Variants in ABCC4 observed in about 807,000 individuals in gnomAD.
The protein encoded by ABCC4 is ATP binding cassette subfamily C member 4 (PEL blood group).
In ABCC4, 102 loss-of-function variants were observed where a neutral mutation model predicts 168.5. That is an observed-to-expected ratio of 0.61 (90% CI 0.52 to 0.71). ABCC4 has a LOEUF of 0.71. Among genes scored for constraint, ABCC4 ranks in the 30% least tolerant of loss-of-function variants. ABCC4 has a pLI of 0.00. For missense variants in ABCC4, 1,402 were observed against 1,605.8 expected (o/e 0.87, Z 2.17); for synonymous variants, 617 against 590.7 (o/e 1.04, Z -0.65).
rs59935866 is a variant in ABCC4 at position 95,164,054 on chromosome 13, A to AAAAAAAAG, written c.2175+323_2175+324insCTTTTTTT. Among the ~76,000 whole-genome samples the AAAAAAAAG allele has an allele frequency of 9.1e-4, 127 of 139,016 alleles. 1 individual carries two copies. Among genetic ancestry groups the AAAAAAAAG allele is most frequent in the African/African-American group, 1.9e-3 (69 of 36,268 alleles). The allele number at this position is 139,016 out of a possible 152,430, so 91.2% of individuals were successfully genotyped here. A position where few individuals can be genotyped will look rare whatever the true frequency, so the allele number is the denominator to read the frequency against. ...AAACTCCATCTCAAAAAAAAAAAAAAAAAGAAAGAAAGAAAGAAAGAAAGA... is the reference window on the plus strand; with the variant it reads ...AAACTCCATCTCAAAAAAAAAAAAAAAAAAAAAGAAAGAAAGAAAGAAAGAAAGAAAGA... On this transcript the variant is annotated intron_variant, in intron 16 of 30. Coordinates refer to ENST00000645237, the MANE Select transcript of ABCC4 (RefSeq NM_005845.5).
chr13:95,285,021 G>A (rs2041225568), intron 1 of ABCC4, among the ~76,000 whole-genome samples: 1 of 152,140 alleles, frequency 6.6e-6, no homozygotes, highest in Non-Finnish European at 1.5e-5. Flanking sequence ...CGAGGAAGGA[G>A]AATCATTTGA....
intron 25 of ABCC4, among the ~76,000 whole-genome samples, chr13:95,066,267 A>G (rs1476352083): frequency 6.6e-6 from 1 of 152,194 alleles, no homozygotes; most frequent in Non-Finnish European, 1.5e-5. Flanking sequence ...TTGCCTTAAA[A>G]TCCTCCACTT....
rs1331096484 is a variant in ABCC4, at chr13:95,062,756, G to A, written c.3314C>T (p.Thr1105Ile). The change falls in exon 26 of 31, where the codon ACA becomes ATA. Residue 1105 changes from threonine (T) to isoleucine (I), a missense_variant. By Grantham distance (89) the Thr-to-Ile change is moderately conservative (BLOSUM62 -1). This residue lies in a region of ABCC4 where 1,007 missense variants were observed against 1,127.3 expected (regional missense o/e 0.89). Coordinates refer to ENST00000645237, the MANE Select transcript of ABCC4 (RefSeq NM_005845.5). ...TAAATCGTGAAGTCCAATTTCAGTT[G>A]TCAAGATCTTATCAATCCAAATTTT... ...EGKIWIDKIL[T>I]TEIGLHDLRK... The A allele has an allele frequency of 3.7e-6, 6 of 1,613,788 alleles. No individual in the cohort carries two copies. Among genetic ancestry groups the A allele is most frequent in the Non-Finnish European group, 5.1e-6 (6 of 1,179,948 alleles).
intron 5 of ABCC4, among the ~76,000 whole-genome samples, chr13:95,210,166 G>A (rs186233912): frequency 1.2e-4 from 18 of 152,350 alleles, no homozygotes; most frequent in Non-Finnish European, 2.5e-4. Context: ...AAATGATACC[G>A]CTACAAGGTA....
At position 95,053,313 on chromosome 13, in the gene ABCC4, G is replaced by A. The variant is rs889826660; in HGVS notation, c.3367-129C>T. 41 of 750,662 alleles carry A rather than the reference G, an allele frequency of 5.5e-5. 1 individual carries two copies. The highest frequency in any genetic ancestry group is 5.4e-5 in the Non-Finnish European group (24 of 446,040). 46.5% of individuals were successfully genotyped at this position (750,662 alleles called of 1,614,324 possible). The stretch of plus-strand genomic sequence containing the variant: ...TGATAATAATTATAGCGTTACAAAT[G>A]CCTGTTTACAAAACAACATATCTAT... On this transcript the variant is annotated intron_variant, in intron 26 of 30. Transcript: ENST00000645237.
chr13:95,251,124 A>G (rs1255563739), intron 1 of ABCC4, among the ~76,000 whole-genome samples: 9 of 152,138 alleles, frequency 5.9e-5, no homozygotes, highest in Admixed American at 5.9e-4. Context: ...GAGGGAAAAC[A>G]CAGGTCCCAG....
chr13:95,191,597 C>T (rs1193836899), intron 9 of ABCC4, among the ~76,000 whole-genome samples: 1 of 152,206 alleles, frequency 6.6e-6, no homozygotes, highest in Non-Finnish European at 1.5e-5. Context: ...TGCTTGACTT[C>T]GCCTTACTAT....
chr13:95,161,096 C>A, intron 19 of ABCC4, 93 bp downstream of exon 19: 2 of 968,332 alleles, frequency 2.1e-6, no homozygotes, highest in Non-Finnish European at 2.8e-6. Flanking sequence ...TTCTTCCCAG[C>A]ATCCCTTCCA....
chr13:95,064,919 T>C (rs2033472487), intron 25 of ABCC4, among the ~76,000 whole-genome samples: 1 of 152,232 alleles, frequency 6.6e-6, no homozygotes, highest in South Asian at 2.1e-4. Context: ...AAGTTTACAT[T>C]CATAACACGA....
intron 19 of ABCC4, among the ~76,000 whole-genome samples, chr13:95,136,527 G>C (rs1408128994): frequency 6.6e-6 from 1 of 152,192 alleles, no homozygotes; most frequent in Non-Finnish European, 1.5e-5. Context: ...GCCTTTCTGA[G>C]GGTATTCCCA....
chr13:95,131,012 T>C (rs1346016789), intron 19 of ABCC4, among the ~76,000 whole-genome samples: 2 of 152,108 alleles, frequency 1.3e-5, no homozygotes, highest in African/African-American at 2.4e-5. Context: ...CTCTTGCAAA[T>C]CTGTGCAGTG....
intron 1 of ABCC4, among the ~76,000 whole-genome samples, chr13:95,273,816 G>GTTTTTTTTTTTTTT (rs753327163): frequency 1.0e-5 from 1 of 98,654 alleles, no homozygotes; most frequent in African/African-American, 4.0e-5. Flanking sequence ...TTTTTGGTTT[G>GTTTTTTTTTTTTTT]TTTTTTTTTT....
At chr13:95,281,445 C>T (rs1566596604) in intron 1 of ABCC4, among the ~76,000 whole-genome samples, 1 of 151,714 alleles carries the variant, frequency 6.6e-6, no homozygotes, top group Non-Finnish European at 1.5e-5. Flanking sequence ...CGAACACCAA[C>T]AATAATGAGT....
chr13:95,056,782 G>C (rs2033075053), intron 26 of ABCC4, among the ~76,000 whole-genome samples: 1 of 152,208 alleles, frequency 6.6e-6, no homozygotes, highest in African/African-American at 2.4e-5. Context: ...AGTCTGAGCA[G>C]TGGGCTGCTT....
chr13:95,162,442 G>A (rs1318353612), intron 18 of ABCC4, among the ~76,000 whole-genome samples: 1 of 152,170 alleles, frequency 6.6e-6, no homozygotes, highest in Non-Finnish European at 1.5e-5. Flanking sequence ...TACATTCTAA[G>A]CACTCTTGTG....
chr13:95,132,914 G>A (rs1182893659), intron 19 of ABCC4, among the ~76,000 whole-genome samples: 1 of 152,056 alleles, frequency 6.6e-6, no homozygotes, highest in Non-Finnish European at 1.5e-5. Context: ...GGGGTGGAGA[G>A]AAGGGGTGGT....
intron 1 of ABCC4, among the ~76,000 whole-genome samples, chr13:95,297,566 C>T (rs986289251): frequency 2.0e-5 from 3 of 152,198 alleles, no homozygotes; most frequent in Non-Finnish European, 2.9e-5. Flanking sequence ...TGGGCCCTGT[C>T]TCCAGGCAGC....
chr13:95,208,424 G>A (rs1247249342), intron 6 of ABCC4, among the ~76,000 whole-genome samples: 1 of 151,628 alleles, frequency 6.6e-6, no homozygotes, highest in Non-Finnish European at 1.5e-5. Context: ...GCAAAGAGGG[G>A]AAGGTCCAAG....
intron 26 of ABCC4, among the ~76,000 whole-genome samples, chr13:95,056,909 T>G (rs1178981957): frequency 6.6e-6 from 1 of 152,208 alleles, no homozygotes. Context: ...ACCGTTAGGG[T>G]GCTATCATAA....
Sources: allele counts gnomAD v4.1 joint callset (sites outside exome capture counted in the v4.1 genomes callset), GRCh38; gene constraint gnomAD v4.1.1; regional missense constraint gnomAD v4.1.1; transcripts MANE v1.5; gene names NCBI Gene and HGNC (gene_info 2026-07-23, HGNC 2026-07-21).